NFIX: variants seen among roughly 807,000 people sequenced by gnomAD.
The protein encoded by NFIX is nuclear factor I X, also known as nuclear factor 1 X-type.
Under a neutral mutation model 53.3 loss-of-function variants are expected in NFIX, and 2 were observed. The ratio of observed to expected loss-of-function variants is 0.04; its 90% CI spans 0.02 to 0.12. The LOEUF (loss-of-function observed/expected upper bound fraction) is 0.12, where lower values mean the gene tolerates loss of function less well. Ranked by LOEUF, NFIX falls within the 10% of genes least tolerant of loss-of-function variation. The probability of loss-of-function intolerance (pLI) is 1.00; values close to 1 mark genes in which losing one functional copy is unlikely to be tolerated. For synonymous variants in NFIX, 244 were observed against 289.0 expected (o/e 0.84, Z 1.58); for missense variants, 310 against 674.5 (o/e 0.46, Z 5.99).
rs1209864230 is a variant in NFIX, at chr19:13,037,847, C to T, written c.559+12295C>T. Among the ~76,000 whole-genome samples the T allele has an allele frequency of 6.6e-6, 1 of 152,138 alleles. No homozygotes were observed. Among genetic ancestry groups the T allele is most frequent in the Admixed American group, 6.5e-5 (1 of 15,278 alleles). On this transcript the variant is annotated intron_variant, in intron 2 of 10. Coordinates refer to ENST00000592199, the MANE Select transcript of NFIX (RefSeq NM_001365902.3). The surrounding 1 kb of genome is among the most constrained non-coding windows in gnomAD (Gnocchi z 4.2). ...GCTATTGGAATCTAGTGGGAAGAGT[C>T]TACTGCATATGACAGTCCCCCAGGA...
chr19:13,073,338 G>A lies in NFIX; in HGVS notation c.623-84G>A. ...TGGAAACGGGACTTGGGAGGGAGAAGCAACAGTGTGGAAGACCTTTGGAAA... is the reference window on the plus strand; with the variant it reads ...TGGAAACGGGACTTGGGAGGGAGAAACAACAGTGTGGAAGACCTTTGGAAA... On this transcript the variant is annotated intron_variant, in intron 3 of 10. Transcript: ENST00000592199. This position sits in a 1 kb window ranked among gnomAD's most constrained non-coding sequence, Gnocchi z 4.5. The A allele has an allele frequency of 1.6e-6, 2 of 1,223,118 alleles. No individual in the cohort carries two copies. Among genetic ancestry groups the A allele is most frequent in the Non-Finnish European group, 1.2e-6 (1 of 823,774 alleles). 75.8% of individuals were successfully genotyped at this position (1,223,118 alleles called of 1,614,324 possible).
rs982075857 is a variant in NFIX at position 13,040,666 on chromosome 19, A to T, written c.559+15114A>T. ...GGGTCAGAGATGACTGCCGTCCTCC[A>T]GCTGGTACATGTGCTTGCGGCTCTG... is the stretch of plus-strand genomic sequence containing the variant. On this transcript the variant is annotated intron_variant, in intron 2 of 10. Transcript: ENST00000592199. The surrounding 1 kb of genome is among the most constrained non-coding windows in gnomAD (Gnocchi z 4.2). Among the ~76,000 whole-genome samples, 6 of 152,152 alleles carry T rather than the reference A, an allele frequency of 3.9e-5. 1 individual carries two copies. Among genetic ancestry groups the T allele is most frequent in the Admixed American group, 3.3e-4 (5 of 15,278 alleles).
At position 13,014,487 on chromosome 19, in the gene NFIX, C is replaced by G. The variant is rs528298969; in HGVS notation, c.28-10534C>G. The G allele has an allele frequency of 6.6e-6, 1 of 152,380 alleles. No individual in the cohort carries two copies. The highest frequency in any genetic ancestry group is 6.5e-5 in the Admixed American group (1 of 15,306). 9.4% of individuals were successfully genotyped at this position (152,380 alleles called of 1,614,324 possible). A position where few individuals can be genotyped will look rare whatever the true frequency, so the allele number is the denominator to read the frequency against. On this transcript the variant is annotated intron_variant, in intron 1 of 10. Coordinates refer to ENST00000592199, the MANE Select transcript of NFIX (RefSeq NM_001365902.3). This position sits in a 1 kb window ranked among gnomAD's most constrained non-coding sequence, Gnocchi z 4.4. ...AAACCCGGGTGTGGGGAAGCAGCTT[C>G]GCTGCCTACTCTGCATCCTCTCCCC...
In NFIX at chr19:13,017,217, G is replaced by A. The variant is rs533052378; in HGVS notation, c.28-7804G>A. Among the ~76,000 whole-genome samples the A allele has an allele frequency of 5.8e-4, 88 of 152,234 alleles. 3 individuals are homozygous for A. In the South Asian group the frequency reaches 6.0e-3, roughly 10 times the overall value. ...GGGGAGGGACGGAGCGTGGCCGAGGGGTGGGCATGGTCCGAGCTCCTCAAA... is the reference window on the plus strand; with the variant it reads ...GGGGAGGGACGGAGCGTGGCCGAGGAGTGGGCATGGTCCGAGCTCCTCAAA... On this transcript the variant is annotated intron_variant, in intron 1 of 10. Coordinates refer to ENST00000592199, the MANE Select transcript of NFIX (RefSeq NM_001365902.3).
chr19:13,096,051 AGAG>A lies in NFIX; in HGVS notation c.*1404_*1406del, dbSNP rs2018430173. 6.6e-6 allele frequency: 1 copy of A among 152,380 alleles called. No individual in the cohort carries two copies. The highest frequency in any genetic ancestry group is 1.5e-5 in the Non-Finnish European group (1 of 68,068). 9.4% of individuals were successfully genotyped at this position (152,380 alleles called of 1,614,324 possible). The stretch of plus-strand genomic sequence containing the variant: ...CAAGGGAGGGTTGGGGGGCCTGTCC[AGAG>A]GGTCTTCAGAAGCCCCCCTGGGAGG... On this transcript the variant is annotated 3_prime_UTR_variant, in exon 11 of 11. Coordinates refer to ENST00000592199, the MANE Select transcript of NFIX (RefSeq NM_001365902.3).
At chr19:13,039,153 C>T (rs1355345869) in intron 2 of NFIX, among the ~76,000 whole-genome samples, 2 of 151,920 alleles carry the variant, frequency 1.3e-5, no homozygotes, top group Non-Finnish European at 2.9e-5. Context: ...TCGTGGTTTA[C>T]AAAGTGGGCC....
intron 8 of NFIX, among the ~76,000 whole-genome samples, chr19:13,085,503 A>AT (rs975719617): frequency 6.6e-6 from 1 of 152,138 alleles, no homozygotes; most frequent in African/African-American, 2.4e-5. Context: ...AGGCATGGAG[A>AT]TGAGGGGAGG....
intron 8 of NFIX, among the ~76,000 whole-genome samples, chr19:13,087,731 G>A (rs1364131113): frequency 7.3e-6 from 1 of 137,468 alleles, no homozygotes; most frequent in African/African-American, 2.8e-5. Flanking sequence ...CAAACCACCC[G>A]TCGAACACCC....
At position 13,094,308 on chromosome 19, in the gene NFIX, C is replaced by T. The variant is rs191806002; in HGVS notation, c.1495-327C>T. 6.6e-6 allele frequency among the ~76,000 whole-genome samples: 1 copy of T among 152,230 alleles called. No homozygotes were observed. The highest frequency in any genetic ancestry group is 1.5e-5 in the Non-Finnish European group (1 of 68,038). On this transcript the variant is annotated intron_variant, in intron 10 of 10. Coordinates refer to ENST00000592199, the MANE Select transcript of NFIX (RefSeq NM_001365902.3). This position sits in a 1 kb window ranked among gnomAD's most constrained non-coding sequence, Gnocchi z 4.3. ...CACCCTCCAGGACCCACACAAAAACCTAAACAATTGGAAACATGGCCAGAT... is the reference window on the plus strand; with the variant it reads ...CACCCTCCAGGACCCACACAAAAACTTAAACAATTGGAAACATGGCCAGAT...
chr19:13,023,612 T>A (rs2013088958), intron 1 of NFIX, among the ~76,000 whole-genome samples: 4 of 151,000 alleles, frequency 2.6e-5, no homozygotes, highest in Non-Finnish European at 4.4e-5. Flanking sequence ...TTTTGATTTT[T>A]AAATTTTGCA....
chr19:13,031,769 A>G (rs1203370651), intron 2 of NFIX, among the ~76,000 whole-genome samples: 9 of 152,124 alleles, frequency 5.9e-5, no homozygotes. Context: ...CTTCTTGGCC[A>G]CCCTCTAGTG....
intron 2 of NFIX, among the ~76,000 whole-genome samples, chr19:13,064,944 G>A (rs945313888): frequency 2.6e-5 from 4 of 152,208 alleles, no homozygotes; most frequent in Admixed American, 2.6e-4. Flanking sequence ...TCCTTACCCA[G>A]GAATGCTAAT....
chr19:13,065,591 G>A (rs1458771812), intron 2 of NFIX, among the ~76,000 whole-genome samples: 1 of 152,152 alleles, frequency 6.6e-6, no homozygotes, highest in African/African-American at 2.4e-5. Context: ...TCCTGGAGTG[G>A]CCATTGGCAG....
rs2015395647 is a variant in NFIX at position 13,052,648 on chromosome 19, A to G, written c.560-20399A>G. Among the ~76,000 whole-genome samples, 1 of 152,136 alleles carries G rather than the reference A, an allele frequency of 6.6e-6. No homozygotes were observed. Among genetic ancestry groups the G allele is most frequent in the Admixed American group, 6.5e-5 (1 of 15,282 alleles). On this transcript the variant is annotated intron_variant, in intron 2 of 10. Transcript: ENST00000592199. The surrounding 1 kb of genome is among the most constrained non-coding windows in gnomAD (Gnocchi z 5.2). ...AGACATGTGCCCTTTCTTGGGCTGA[A>G]CCTAGAGTTGTTCATAGCCTGGCCT...
At chr19:13,053,373 T>A (rs547194551) in intron 2 of NFIX, among the ~76,000 whole-genome samples, 114 of 152,096 alleles carry the variant, frequency 7.5e-4, no homozygotes, top group African/African-American at 2.6e-3. Flanking sequence ...CCAAAAATAT[T>A]TTTTTTAAGT....
rs538722240 is a variant in NFIX at position 13,073,589 on chromosome 19, G to A, written c.697+93G>A. 4,067 of 1,157,750 alleles carry A rather than the reference G, an allele frequency of 3.5e-3. 14 individuals are homozygous for A. Among genetic ancestry groups the A allele is most frequent in the South Asian group, 0.01 (840 of 80,058 alleles). The allele number at this position is 1,157,750 out of a possible 1,614,324, so 71.7% of individuals were successfully genotyped here. A position where few individuals can be genotyped will look rare whatever the true frequency, so the allele number is the denominator to read the frequency against. On this transcript the variant is annotated intron_variant, in intron 4 of 10. Coordinates refer to ENST00000592199, the MANE Select transcript of NFIX (RefSeq NM_001365902.3). The surrounding 1 kb of genome is among the most constrained non-coding windows in gnomAD (Gnocchi z 4.5). ...GTCCTCCTAATGGGGTCTTAGGGCA[G>A]GTGGATGGGAACAGATGCTTTCTGG...
Position 13,022,924 on chromosome 19 carries a change from T to C in NFIX, c.28-2097T>C, listed in dbSNP as rs542183472. ...TTTGCTTGTTCATTAGACGTGAACT[T>C]GTCGATTGGGCAAATTGTTTTTGGT... On this transcript the variant is annotated intron_variant, in intron 1 of 10. Transcript: ENST00000592199. The surrounding 1 kb of genome is among the most constrained non-coding windows in gnomAD (Gnocchi z 4.5). 6.6e-6 allele frequency among the ~76,000 whole-genome samples: 1 copy of C among 152,222 alleles called. No homozygotes were observed. The highest frequency in any genetic ancestry group is 2.4e-5 in the African/African-American group (1 of 41,544).
rs2016004223 is a variant in NFIX at position 13,060,484 on chromosome 19, C to G, written c.560-12563C>G. Among the ~76,000 whole-genome samples, 1 of 152,228 alleles carries G rather than the reference C, an allele frequency of 6.6e-6. No homozygotes were observed. The highest frequency in any genetic ancestry group is 1.5e-5 in the Non-Finnish European group (1 of 68,036). The stretch of plus-strand genomic sequence containing the variant: ...TGACCACAACTTTGTGGGGCGCCTG[C>G]TGTGTGCAGAATCTACCCCGAAACC... On this transcript the variant is annotated intron_variant, in intron 2 of 10. Coordinates refer to ENST00000592199, the MANE Select transcript of NFIX (RefSeq NM_001365902.3). This position sits in a 1 kb window ranked among gnomAD's most constrained non-coding sequence, Gnocchi z 4.3.
chr19:13,044,774 C>T (rs2014877031), intron 2 of NFIX, among the ~76,000 whole-genome samples: 2 of 152,126 alleles, frequency 1.3e-5, no homozygotes, highest in Non-Finnish European at 2.9e-5. Context: ...TTACAATTGT[C>T]GTAATTACAG....
Sources: gnomAD v4.1 joint callset for allele counts (sites outside exome capture counted in the v4.1 genomes callset) on GRCh38, gnomAD v4.1.1 for gene constraint, Gnocchi (gnomAD v3.1) non-coding constraint, MANE v1.5 for transcripts, NCBI Gene and HGNC (gene_info 2026-07-23, HGNC 2026-07-21) for gene names.